The following KCNMA1 variants were observed in gnomAD, a reference collection of about 807,000 sequenced individuals.
KCNMA1 encodes Calcium-activated potassium channel subunit alpha-1.
A neutral mutation model predicts 140.0 loss-of-function variants in KCNMA1; 29 were observed. The observed-to-expected ratio is 0.21, with a 90% CI of 0.15 to 0.28. KCNMA1 has a LOEUF of 0.28. Among genes scored for constraint, KCNMA1 ranks in the 10% least tolerant of loss-of-function variants. The pLI, the probability that KCNMA1 is intolerant of heterozygous loss-of-function variation, is 1.00. For synonymous variants in KCNMA1, 612 were observed against 611.9 expected (o/e 1.00, Z 0.00); for missense variants, 880 against 1,602.2 (o/e 0.55, Z 7.70).
chr10:77,506,596 A>AGAGAGAGAGAGTGTGTGTGTGT lies in KCNMA1; in HGVS notation c.379-102574_379-102573insACACACACACACTCTCTCTCTC. Among the ~76,000 whole-genome samples, 57 of 83,564 alleles carry AGAGAGAGAGAGTGTGTGTGTGT rather than the reference A, an allele frequency of 6.8e-4. 6 individuals are homozygous for AGAGAGAGAGAGTGTGTGTGTGT. Among genetic ancestry groups the AGAGAGAGAGAGTGTGTGTGTGT allele is most frequent in the Middle Eastern group, 6.4e-3 (1 of 156 alleles). 54.8% of individuals were successfully genotyped at this position (83,564 alleles called of 152,430 possible). On this transcript the variant is annotated intron_variant, in intron 1 of 27. Coordinates refer to ENST00000286628, the MANE Select transcript of KCNMA1 (RefSeq NM_001161352.2). ...TAGAGAGAGAGAGAGAGAGAGAGAG[A>AGAGAGAGAGAGTGTGTGTGTGT]GTGTGTGTGTGTGTGTGTGTGTGTT...
In KCNMA1 at chr10:77,364,363, A is replaced by T. The variant is rs918084805; in HGVS notation, c.540+39499T>A. Among the ~76,000 whole-genome samples, 35 of 152,054 alleles carry T rather than the reference A, an allele frequency of 2.3e-4. 2 individuals are homozygous for T. Among genetic ancestry groups the T allele is most frequent in the Non-Finnish European group, 1.5e-5 (1 of 68,008 alleles). On this transcript the variant is annotated intron_variant, in intron 2 of 27. Coordinates refer to ENST00000286628, the MANE Select transcript of KCNMA1 (RefSeq NM_001161352.2). ...CTACTTGGGAGGCTGAGGCAGGACA[A>T]TCTCTTGAACCCCAGAGGCAGAGGC...
chr10:76,949,427 G>T, intron 21 of KCNMA1, 61 bp from the exon 22 acceptor site: 1 of 1,315,868 alleles, frequency 7.6e-7, no homozygotes, highest in Non-Finnish European at 1.1e-6. Context: ...GTTGTAAGGA[G>T]TGAAATAAAT....
chr10:77,387,585 CTCTTTTCTTT>C lies in KCNMA1; in HGVS notation c.540+16267_540+16276del, dbSNP rs138520830. 9.8e-5 allele frequency among the ~76,000 whole-genome samples: 14 copies of C among 143,374 alleles called. No individual in the cohort carries two copies. The South Asian group carries it at 1.1e-3, about 11-fold the overall frequency. 94.1% of individuals were successfully genotyped at this position (143,374 alleles called of 152,430 possible). A position where few individuals can be genotyped will look rare whatever the true frequency, so the allele number is the denominator to read the frequency against. ...TCTTTTCTTTTCTTTTTTTTCTTTT[CTCTTTTCTTT>C]TCTTTTCTTTTCTTTCTTTTCTTTT... is the stretch of plus-strand genomic sequence containing the variant. On this transcript the variant is annotated intron_variant, in intron 2 of 27. Transcript: ENST00000286628.
At chr10:77,174,253 C>T (rs539597417) in intron 5 of KCNMA1, among the ~76,000 whole-genome samples, 1 of 152,172 alleles carries the variant, frequency 6.6e-6, no homozygotes, top group East Asian at 1.9e-4. Context: ...CATGATTTCT[C>T]TAGCATTTCT....
intron 2 of KCNMA1, among the ~76,000 whole-genome samples, chr10:77,369,918 G>C (rs1195172787): frequency 6.6e-6 from 1 of 152,212 alleles, no homozygotes. Context: ...CAAGGAAACA[G>C]CTCCATATTT....
chr10:76,912,670 T>C, intron 24 of KCNMA1: 1 of 152,176 alleles, frequency 6.6e-6, no homozygotes, highest in East Asian at 1.9e-4. Flanking sequence ...GCACCAAGCT[T>C]TTCCTTTTCT....
chr10:77,254,175 C>G (rs2154255912), intron 2 of KCNMA1, among the ~76,000 whole-genome samples: 1 of 151,820 alleles, frequency 6.6e-6, no homozygotes, highest in South Asian at 2.1e-4. Flanking sequence ...ATACATAAGG[C>G]CCAAGAAAAA....
chr10:77,040,602 A>G (rs943011868), intron 14 of KCNMA1, among the ~76,000 whole-genome samples: 1 of 152,194 alleles, frequency 6.6e-6, no homozygotes, highest in African/African-American at 2.4e-5. Flanking sequence ...GAATTTAGGA[A>G]GCTTTATATC....
At chr10:77,280,606 A>C (rs1224271415) in intron 2 of KCNMA1, among the ~76,000 whole-genome samples, 2 of 152,032 alleles carry the variant, frequency 1.3e-5, no homozygotes, top group African/African-American at 4.8e-5. Flanking sequence ...GGCTCACTGC[A>C]GCCTCTACCT....
At chr10:77,154,919 G>A (rs1465335249) in intron 5 of KCNMA1, among the ~76,000 whole-genome samples, 1 of 152,222 alleles carries the variant, frequency 6.6e-6, no homozygotes, top group African/African-American at 2.4e-5. Flanking sequence ...ACTTTAGACT[G>A]TGTGGCCACA....
intron 14 of KCNMA1, among the ~76,000 whole-genome samples, chr10:77,043,782 T>C (rs1486842336): frequency 6.6e-6 from 1 of 152,156 alleles, no homozygotes; most frequent in Admixed American, 6.5e-5. Flanking sequence ...ATGAGGTACC[T>C]AGAGTCCTCA....
chr10:77,138,045 A>C (rs1417167056), intron 5 of KCNMA1, among the ~76,000 whole-genome samples: 1 of 152,108 alleles, frequency 6.6e-6, no homozygotes, highest in Non-Finnish European at 1.5e-5. Flanking sequence ...GTTGATATTC[A>C]GACTGGGATT....
intron 1 of KCNMA1, chr10:77,636,922 G>A (rs1603639300): frequency 2.1e-6 from 3 of 1,418,626 alleles, no homozygotes; most frequent in Non-Finnish European, 1.8e-6. Context: ...CTCCGTCCCC[G>A]CTGAGTTGGC....
At chr10:77,335,642 G>C (rs2088643535) in intron 2 of KCNMA1, among the ~76,000 whole-genome samples, 1 of 152,144 alleles carries the variant, frequency 6.6e-6, no homozygotes, top group South Asian at 2.1e-4. Context: ...GAGTGGAGGA[G>C]AGGAAAGAGT....
intron 5 of KCNMA1, among the ~76,000 whole-genome samples, chr10:77,152,443 G>A (rs921054716): frequency 2.6e-5 from 4 of 152,138 alleles, no homozygotes; most frequent in African/African-American, 9.7e-5. Context: ...AAGGGAACAG[G>A]AAAGTGGGGA....
intron 3 of KCNMA1, among the ~76,000 whole-genome samples, chr10:77,207,640 A>G (rs1255288722): frequency 6.6e-6 from 1 of 152,186 alleles, no homozygotes; most frequent in African/African-American, 2.4e-5. Context: ...AGATCCACTG[A>G]GTGAACGGCT....
At chr10:77,570,671 G>A (rs917899680) in intron 1 of KCNMA1, among the ~76,000 whole-genome samples, 1 of 150,208 alleles carries the variant, frequency 6.7e-6, no homozygotes, top group African/African-American at 2.5e-5. Flanking sequence ...GCACCAGCAT[G>A]GCACATGTAT....
chr10:77,510,814 G>A (rs927281548), intron 1 of KCNMA1, among the ~76,000 whole-genome samples: 2 of 152,016 alleles, frequency 1.3e-5, no homozygotes, highest in Non-Finnish European at 2.9e-5. Flanking sequence ...AAATAAAAAA[G>A]GAGAAACCTA....
chr10:77,150,839 T>C (rs2098404393), intron 5 of KCNMA1, among the ~76,000 whole-genome samples: 1 of 152,198 alleles, frequency 6.6e-6, no homozygotes, highest in Non-Finnish European at 1.5e-5. Flanking sequence ...CTATGTTACC[T>C]TAGACAAGTC....
Sources: gnomAD v4.1 joint callset for allele counts (sites outside exome capture counted in the v4.1 genomes callset) on GRCh38, gnomAD v4.1.1 for gene constraint, MANE v1.5 for transcripts, NCBI Gene and HGNC (gene_info 2026-07-23, HGNC 2026-07-21) for gene names.